The following OARD1 variants were observed in gnomAD, a reference collection of about 807,000 sequenced individuals.
OARD1 encodes the protein ADP-ribose glycohydrolase OARD1.
In OARD1, 19 loss-of-function variants were observed where a neutral mutation model predicts 19.7. That is an observed-to-expected ratio of 0.96 (90% CI 0.67 to 1.41). The LOEUF is 1.41. Among genes scored for constraint, OARD1 ranks in the 40% most tolerant of loss-of-function variants. The probability of loss-of-function intolerance (pLI) is 0.00; values close to 1 mark genes in which losing one functional copy is unlikely to be tolerated. For synonymous variants in OARD1, 70 were observed against 61.8 expected (o/e 1.13, Z -0.62); for missense variants, 190 against 183.8 (o/e 1.03, Z -0.20).
intron 1 of OARD1, among the ~76,000 whole-genome samples, chr6:41,096,086 A>G (rs1276217105): frequency 6.6e-6 from 1 of 152,178 alleles, no homozygotes; most frequent in Non-Finnish European, 1.5e-5. Context: ...ACATGGTTAA[A>G]GTGTTTTTTT....
Position 41,083,508 on chromosome 6 carries a change from C to T in OARD1, c.-41-11833G>A, listed in dbSNP as rs1582026689. On this transcript the variant is annotated intron_variant, in intron 1 of 4. Coordinates refer to the OARD1 transcript ENST00000480585. ...GTATACATTTGACATTTCATTTTAG[C>T]TTGAGAGACTGTAGGGAAAAAAGGG... Among the ~76,000 whole-genome samples the T allele has an allele frequency of 2.0e-5, 3 of 152,250 alleles. No individual in the cohort carries two copies. The East Asian group carries it at 5.8e-4, about 29-fold the overall frequency.
chr6:41,096,419 A>G (rs1227226510), intron 1 of OARD1, among the ~76,000 whole-genome samples: 1 of 152,162 alleles, frequency 6.6e-6, no homozygotes, highest in Non-Finnish European at 1.5e-5. Context: ...TAACAATATG[A>G]TCTTGGTCAA....
rs148881400 is a variant in OARD1 at position 41,096,281 on chromosome 6, A to G, written c.-42+1432T>C. The stretch of plus-strand genomic sequence containing the variant: ...ACTAACAACTCTTTCAGTGCTATTA[A>G]TCCTCACCTGTAGTGTGAGAGCCCC... On this transcript the variant is annotated intron_variant, in intron 1 of 4. Coordinates refer to the OARD1 transcript ENST00000480585. Among the ~76,000 whole-genome samples, 622 of 152,294 alleles carry G rather than the reference A, an allele frequency of 4.1e-3. 12 individuals are homozygous for G. The South Asian group carries it at 0.063, about 15-fold the overall frequency.
intron 1 of OARD1, among the ~76,000 whole-genome samples, chr6:41,087,587 A>G (rs1347351479): frequency 1.3e-5 from 2 of 152,250 alleles, no homozygotes; most frequent in Non-Finnish European, 2.9e-5. Flanking sequence ...TAATGGTCAA[A>G]GAAGCAAAGA....
chr6:41,069,852 C>A, intron 4 of OARD1: 1 of 600,398 alleles, frequency 1.7e-6, no homozygotes, highest in South Asian at 1.8e-5. Flanking sequence ...ACGACTTTCC[C>A]ACAGAGCTGG....
At chr6:41,096,334 C>T (rs1041027754) in intron 1 of OARD1, among the ~76,000 whole-genome samples, 3 of 152,176 alleles carry the variant, frequency 2.0e-5, no homozygotes, top group African/African-American at 4.8e-5. Flanking sequence ...TCATTCATAA[C>T]GGTGTATGAA....
chr6:41,094,376 G>A, intron 1 of OARD1: 2 of 1,606,192 alleles, frequency 1.2e-6, no homozygotes, highest in South Asian at 1.1e-5. Flanking sequence ...ATAGTTAAAT[G>A]GTTTTATTTC....
In OARD1 at chr6:41,065,205, G is replaced by A. The variant is rs1325629669; in HGVS notation, c.*2130C>T. 5 of 152,004 alleles carry A rather than the reference G, an allele frequency of 3.3e-5. No individual in the cohort carries two copies. The South Asian group carries it at 6.2e-4, about 19-fold the overall frequency. The allele number at this position is 152,004 out of a possible 1,614,324, so 9.4% of individuals were successfully genotyped here. On this transcript the variant is annotated 3_prime_UTR_variant, in exon 6 of 6. Transcript: ENST00000424266. The stretch of plus-strand genomic sequence containing the variant: ...TTGTCTAAAGAATCAAGGCTCAAAC[G>A]CCAAGAAAAAAATAATAATAATAAC...
At chr6:41,087,654 G>T (rs1764083113) in intron 1 of OARD1, among the ~76,000 whole-genome samples, 1 of 152,046 alleles carries the variant, frequency 6.6e-6, no homozygotes, top group Admixed American at 6.6e-5. Flanking sequence ...AGGTATTCTT[G>T]AATATAAAAT....
At chr6:41,091,432 T>C in intron 1 of OARD1, 1 of 1,220,868 alleles carries the variant, frequency 8.2e-7, no homozygotes, top group Non-Finnish European at 1.1e-6. Flanking sequence ...CCAGGATCGG[T>C]GAGTGTATAC....
At chr6:41,072,489 G>C (rs1561846327), upstream of OARD1, 1 of 152,268 alleles carries the variant, frequency 6.6e-6, no homozygotes, top group Non-Finnish European at 1.5e-5. Context: ...CCCCCGCCCG[G>C]TAGCGGGGCG....
At position 41,080,862 on chromosome 6, in the gene OARD1, T is replaced by A. The variant is rs201057528; in HGVS notation, c.-41-9187A>T. 24 of 1,614,086 alleles carry A rather than the reference T, an allele frequency of 1.5e-5. No individual in the cohort carries two copies. In the East Asian group the frequency reaches 5.3e-4, roughly 36 times the overall value. On this transcript the variant is annotated intron_variant, in intron 1 of 4. Coordinates refer to the OARD1 transcript ENST00000480585. The stretch of plus-strand genomic sequence containing the variant: ...GTTGCAGACTGAGGCCCAGGTGGCA[T>A]CCGCCTCAGGCCAGCAAGTCCAGAC...
chr6:41,072,652 C>G (rs1763533601), upstream of OARD1: 1 of 152,376 alleles, frequency 6.6e-6, no homozygotes, highest in Admixed American at 6.5e-5. Flanking sequence ...TGCGCATTAG[C>G]CGCAGGGGTG....
rs1240770865 is a variant in OARD1, at chr6:41,090,290, T to C, written c.-42+7423A>G. 3.7e-6 allele frequency: 6 copies of C among 1,613,670 alleles called. No homozygotes were observed. In the Admixed American group the frequency reaches 5.0e-5, roughly 13 times the overall value. ...TCGTCTATCAACCAGTTAATGCAGA[T>C]GGCACCATTCTCCAGCAAGGTAAGT... On this transcript the variant is annotated intron_variant, in intron 1 of 4. Coordinates refer to the OARD1 transcript ENST00000480585.
At chr6:41,084,264 T>A (rs1194823112) in intron 1 of OARD1, 5 of 1,502,884 alleles carry the variant, frequency 3.3e-6, no homozygotes, top group Non-Finnish European at 4.5e-6. Context: ...TTACAACCTA[T>A]TTGATAATTG....
chr6:41,070,365 C>T (rs1763267888), intron 3 of OARD1, among the ~76,000 whole-genome samples: 1 of 152,212 alleles, frequency 6.6e-6, no homozygotes, highest in Admixed American at 6.5e-5. Context: ...TTCCTCACAA[C>T]CCATCTTTTG....
chr6:41,097,277 T>C, intron 1 of OARD1: 1 of 1,296,072 alleles, frequency 7.7e-7, no homozygotes, highest in Non-Finnish European at 1.1e-6. Context: ...TGTATTCTCT[T>C]GGGGGGATAA....
At chr6:41,072,983 C>G (rs905748766), upstream of OARD1, 1 of 154,878 alleles carries the variant, frequency 6.5e-6, no homozygotes, top group African/African-American at 2.4e-5. Flanking sequence ...TGCTAGGCAG[C>G]GGCAGTGGCG....
intron 1 of OARD1, among the ~76,000 whole-genome samples, chr6:41,083,092 TAG>T (rs1561852059): frequency 1.3e-5 from 2 of 152,250 alleles, no homozygotes; most frequent in African/African-American, 4.8e-5. Context: ...CTGTCAAAGA[TAG>T]AGTCTGAAAA....
Sources: allele counts gnomAD v4.1 joint callset (sites outside exome capture counted in the v4.1 genomes callset), GRCh38; gene constraint gnomAD v4.1.1; transcripts MANE v1.5; gene names NCBI Gene and HGNC (gene_info 2026-07-23, HGNC 2026-07-21).